The following CDK6 variants were observed in gnomAD, a reference collection of about 807,000 sequenced individuals.
The protein encoded by CDK6 is cyclin-dependent kinase 6.
CDK6 carries 6 observed loss-of-function variants against 37.1 expected under a neutral mutation model. That is an observed-to-expected ratio of 0.16 (90% CI 0.09 to 0.32). The LOEUF is 0.32. Ranked by LOEUF, CDK6 falls within the 10% of genes least tolerant of loss-of-function variation. The probability of loss-of-function intolerance (pLI) is 1.00; values close to 1 mark genes in which losing one functional copy is unlikely to be tolerated. For missense variants in CDK6, 224 were observed against 418.9 expected (o/e 0.53, Z 4.06); for synonymous variants, 160 against 161.3 (o/e 0.99, Z 0.06).
At chr7:92,794,922 G>C (rs749020600) in intron 2 of CDK6, among the ~76,000 whole-genome samples, 32 of 152,048 alleles carry the variant, frequency 2.1e-4, no homozygotes, top group Non-Finnish European at 4.3e-4. Flanking sequence ...CCCATAAAAC[G>C]ATTCTGAAGA....
intron 5 of CDK6, among the ~76,000 whole-genome samples, chr7:92,631,389 CTG>C (rs988060518): frequency 7.2e-5 from 11 of 152,076 alleles, no homozygotes; most frequent in Admixed American, 6.6e-4. Flanking sequence ...GTGGGGCAGG[CTG>C]TTTAAAAAAA....
chr7:92,635,098 T>G (rs1412138917), intron 5 of CDK6, among the ~76,000 whole-genome samples: 1 of 152,184 alleles, frequency 6.6e-6, no homozygotes, highest in Non-Finnish European at 1.5e-5. Flanking sequence ...GGATCATCTT[T>G]GGGAAACCAC....
chr7:92,802,489 G>A (rs914202946), intron 2 of CDK6, among the ~76,000 whole-genome samples: 1 of 152,086 alleles, frequency 6.6e-6, no homozygotes, highest in Non-Finnish European at 1.5e-5. Flanking sequence ...TGTGCATTCA[G>A]TATTAAGAGA....
At chr7:92,716,862 G>A (rs1221800477) in intron 4 of CDK6, among the ~76,000 whole-genome samples, 1 of 152,138 alleles carries the variant, frequency 6.6e-6, no homozygotes, top group African/African-American at 2.4e-5. Context: ...AACTAGCACA[G>A]AGGCATATTC....
chr7:92,635,185 A>G (rs898183936), intron 5 of CDK6, among the ~76,000 whole-genome samples: 1 of 152,184 alleles, frequency 6.6e-6, no homozygotes, highest in African/African-American at 2.4e-5. Context: ...GGAAAAAAAG[A>G]TTAATCCTAG....
chr7:92,832,861 C>CAGGTCATGTTTTT (rs922753395), intron 2 of CDK6, among the ~76,000 whole-genome samples: 9 of 152,206 alleles, frequency 5.9e-5, no homozygotes, highest in Non-Finnish European at 1.3e-4. Flanking sequence ...GAAGCCTGCT[C>CAGGTCATGTTTTT]AGGTCATGTT....
chr7:92,655,771 T>C (rs1796680995), intron 5 of CDK6, among the ~76,000 whole-genome samples: 1 of 152,264 alleles, frequency 6.6e-6, no homozygotes, highest in Non-Finnish European at 1.5e-5. Flanking sequence ...TCTGCCATCT[T>C]GAATTGTCCC....
rs770060899 is a variant in CDK6, at chr7:92,725,628, C to A, written c.535G>T (p.Val179Leu). 1 of 1,611,986 alleles carries A rather than the reference C, an allele frequency of 6.2e-7. No homozygotes were observed. The highest frequency in any genetic ancestry group is 8.5e-7 in the Non-Finnish European group (1 of 1,179,224). ...IYSFQMALTS[V>L]VVTLWYRAPE... is the part of the protein sequence containing the mutation. ...AAGGACAGCACTCTCTCACTCACCA[C>A]TGAGGTTAGAGCCATCTGGAAACTA... Residue 179 changes from valine to leucine, a missense_variant and splice_region_variant, in exon 4 of 8, where the codon GTG becomes TTG. Around this residue, in one of 5 missense-constraint regions of CDK6, gnomAD observed 82 missense variants for 202.1 expected, o/e 0.41. Coordinates refer to ENST00000424848, the MANE Select transcript of CDK6 (RefSeq NM_001145306.2).
At chr7:92,659,719 G>C (rs1041600720) in intron 5 of CDK6, among the ~76,000 whole-genome samples, 1 of 152,004 alleles carries the variant, frequency 6.6e-6, no homozygotes, top group African/African-American at 2.4e-5. Flanking sequence ...TTGGAGGGGA[G>C]TACAGGAAAG....
intron 5 of CDK6, among the ~76,000 whole-genome samples, chr7:92,645,514 G>A (rs1796427201): frequency 6.6e-6 from 1 of 152,226 alleles, no homozygotes; most frequent in African/African-American, 2.4e-5. Context: ...TAGAAACCAT[G>A]GTTCAATCCA....
At chr7:92,777,087 T>C (rs1799869365) in intron 2 of CDK6, among the ~76,000 whole-genome samples, 1 of 152,176 alleles carries the variant, frequency 6.6e-6, no homozygotes, top group Non-Finnish European at 1.5e-5. Flanking sequence ...GTATAAGGTA[T>C]AAGGAAGGGG....
chr7:92,728,996 A>C (rs1454693379), intron 3 of CDK6, among the ~76,000 whole-genome samples: 1 of 152,126 alleles, frequency 6.6e-6, no homozygotes, highest in Non-Finnish European at 1.5e-5. Flanking sequence ...GCAATACCTA[A>C]TTTCAAAGGT....
chr7:92,809,943 C>T (rs750435330), intron 2 of CDK6, among the ~76,000 whole-genome samples: 17 of 152,134 alleles, frequency 1.1e-4, no homozygotes, highest in Non-Finnish European at 2.1e-4. Flanking sequence ...CAAAGGTATG[C>T]GTACTTCCTT....
At chr7:92,813,816 G>GA (rs536099587) in intron 2 of CDK6, among the ~76,000 whole-genome samples, 286 of 152,180 alleles carry the variant, frequency 1.9e-3, no homozygotes, top group Non-Finnish European at 3.2e-3. Flanking sequence ...TAGATACCTT[G>GA]AGTCATTTAC....
chr7:92,819,355 AAAG>A (rs926763904), intron 2 of CDK6, among the ~76,000 whole-genome samples: 3 of 152,074 alleles, frequency 2.0e-5, no homozygotes, highest in Non-Finnish European at 2.9e-5. Context: ...ATAATGACAG[AAAG>A]AAGATTAGGT....
chr7:92,675,490 T>C (rs1422843300), intron 4 of CDK6, among the ~76,000 whole-genome samples: 1 of 152,260 alleles, frequency 6.6e-6, no homozygotes, highest in African/African-American at 2.4e-5. Context: ...TGTATTATTC[T>C]TTTAAGACAC....
intron 2 of CDK6, among the ~76,000 whole-genome samples, chr7:92,811,189 T>G (rs907784752): frequency 6.6e-6 from 1 of 152,214 alleles, no homozygotes; most frequent in Non-Finnish European, 1.5e-5. Flanking sequence ...CCAGCATTGC[T>G]TTCTGCAGTA....
At chr7:92,767,030 C>T (rs1212990991) in intron 3 of CDK6, among the ~76,000 whole-genome samples, 1 of 152,180 alleles carries the variant, frequency 6.6e-6, no homozygotes, top group African/African-American at 2.4e-5. Flanking sequence ...TCTGCCCCAG[C>T]TTCCTTTTAG....
At chr7:92,659,959 C>A (rs968009262) in intron 5 of CDK6, among the ~76,000 whole-genome samples, 2 of 152,050 alleles carry the variant, frequency 1.3e-5, no homozygotes, top group Non-Finnish European at 2.9e-5. Flanking sequence ...CAAGAAGGGC[C>A]GAGAAATCTC....
Sources: allele counts gnomAD v4.1 joint callset (sites outside exome capture counted in the v4.1 genomes callset), GRCh38; gene constraint gnomAD v4.1.1; regional missense constraint gnomAD v4.1.1; transcripts MANE v1.5; gene names NCBI Gene and HGNC (gene_info 2026-07-23, HGNC 2026-07-21).